The following AGBL1 variants were observed in gnomAD, a reference collection of about 807,000 sequenced individuals.
AGBL1 encodes cytosolic carboxypeptidase 4.
In AGBL1, 130 loss-of-function variants were observed where a neutral mutation model predicts 118.9. The ratio of observed to expected loss-of-function variants is 1.09; its 90% CI spans 0.95 to 1.26. AGBL1 has a LOEUF of 1.26. Among genes scored for constraint, AGBL1 ranks in the 50% most tolerant of loss-of-function variants. AGBL1 has a pLI of 0.00. For missense variants in AGBL1, 1,584 were observed against 1,298.1 expected, an observed-to-expected ratio of 1.22 and a Z score of -3.38; for synonymous variants, 555 against 478.9, an observed-to-expected ratio of 1.16 and a Z score of -2.08.
rs575221407 is a variant in AGBL1, at chr15:86,464,145, C to T, written c.2556-58665C>T. On this transcript the variant is annotated intron_variant, in intron 18 of 22. Transcript: ENST00000614907. Reference sequence around the variant, plus strand: ...GCAGTGATTGTAATTCCCAGAAAGACGGTCTTCGTGTCCCTTGTAAGTTGT... The same window carrying T: ...GCAGTGATTGTAATTCCCAGAAAGATGGTCTTCGTGTCCCTTGTAAGTTGT... Among the ~76,000 whole-genome samples, 227 of 151,896 alleles carry T rather than the reference C, an allele frequency of 1.5e-3. 1 individual carries two copies. The highest frequency in any genetic ancestry group is 5.0e-3 in the African/African-American group (208 of 41,500).
At chr15:86,241,320 A>C (rs900272192) in intron 6 of AGBL1, among the ~76,000 whole-genome samples, 1 of 152,130 alleles carries the variant, frequency 6.6e-6, no homozygotes, top group Non-Finnish European at 1.5e-5. Context: ...TATTGAGCAC[A>C]TACTTTATGT....
chr15:86,310,049 C>G (rs778790732), intron 17 of AGBL1, among the ~76,000 whole-genome samples: 8 of 152,184 alleles, frequency 5.3e-5, no homozygotes, highest in Non-Finnish European at 7.3e-5. Context: ...GCGAAGCCAT[C>G]AGATCCTGAG....
chr15:86,824,776 G>T (rs977533159), intron 22 of AGBL1, among the ~76,000 whole-genome samples: 29 of 152,062 alleles, frequency 1.9e-4, no homozygotes, highest in African/African-American at 6.5e-4. Flanking sequence ...TTCAGAACTA[G>T]GTCTGGTATG....
intron 21 of AGBL1, among the ~76,000 whole-genome samples, chr15:86,650,845 GC>G (rs746262059): frequency 1.3e-5 from 2 of 152,182 alleles, no homozygotes; most frequent in Non-Finnish European, 2.9e-5. Flanking sequence ...GTATCCTGCA[GC>G]TAGTCTTGCC....
intron 1 of AGBL1, among the ~76,000 whole-genome samples, chr15:86,087,768 G>A (rs1807286044): frequency 6.6e-6 from 1 of 152,148 alleles, no homozygotes. Context: ...TTGAGCAGAG[G>A]GAATCTCATA....
Position 86,973,405 on chromosome 15 carries a change from T to A in AGBL1, c.3222-14582T>A, listed in dbSNP as rs892550961. Among the ~76,000 whole-genome samples the A allele has an allele frequency of 2.6e-5, 4 of 151,976 alleles. No individual in the cohort carries two copies. In the East Asian group the frequency reaches 5.8e-4, roughly 22 times the overall value. On this transcript the variant is annotated intron_variant, in intron 23 of 24. Transcript: ENST00000441037. ...TATGTAGAATTACTTAAAAGGACAT[T>A]TTAACTATAGTAGCAATTTCAATTG...
chr15:86,991,919 T>C (rs2081339516), intron 24 of AGBL1, among the ~76,000 whole-genome samples: 1 of 152,218 alleles, frequency 6.6e-6, no homozygotes, highest in Non-Finnish European at 1.5e-5. Context: ...TCTTTCTCTG[T>C]ATCTTCCCTA....
rs568609161 is a variant in AGBL1, at chr15:86,202,165, C to T, written c.489-22749C>T. On this transcript the variant is annotated intron_variant, in intron 5 of 22. Transcript: ENST00000614907. ...AAAATTAGCAAGGCATGGTGGTGTGCGCCTGTAATCCCAGCTACTCTGGGG... is the reference window on the plus strand; with the variant it reads ...AAAATTAGCAAGGCATGGTGGTGTGTGCCTGTAATCCCAGCTACTCTGGGG... Among the ~76,000 whole-genome samples, 40 of 152,112 alleles carry T rather than the reference C, an allele frequency of 2.6e-4. No homozygotes were observed. The East Asian group carries it at 5.2e-3, about 20-fold the overall frequency.
chr15:86,424,074 G>C (rs891390727), intron 18 of AGBL1, among the ~76,000 whole-genome samples: 2 of 152,046 alleles, frequency 1.3e-5, no homozygotes, highest in African/African-American at 4.8e-5. Flanking sequence ...ATATAGCCAA[G>C]ACAATCATAA....
chr15:86,437,442 C>A (rs1015502235), intron 18 of AGBL1, among the ~76,000 whole-genome samples: 2 of 152,170 alleles, frequency 1.3e-5, no homozygotes, highest in African/African-American at 2.4e-5. Context: ...TGAGCACCAT[C>A]ATTTTAAAAA....
intron 19 of AGBL1, among the ~76,000 whole-genome samples, chr15:86,534,077 C>G (rs1034377343): frequency 2.0e-5 from 2 of 99,282 alleles, no homozygotes; most frequent in Non-Finnish European, 3.7e-5. Flanking sequence ...CTAACCTGCA[C>G]AATGTGCACA....
At chr15:86,405,051 T>C (rs1417692871) in intron 18 of AGBL1, among the ~76,000 whole-genome samples, 2 of 152,130 alleles carry the variant, frequency 1.3e-5, no homozygotes, top group African/African-American at 4.8e-5. Context: ...GCCTCTGCCA[T>C]ATGGGGGAGG....
rs1448752687 is a variant in AGBL1 at position 86,295,299 on chromosome 15, C to G, written c.2265C>G (p.Val755=). Residue 755 remains valine (V), a synonymous_variant, in exon 17 of 23, where the codon GTC becomes GTG. Transcript: ENST00000614907. ...ILEKSVNLKE[V]YFRQDVLCQT... The stretch of plus-strand genomic sequence containing the variant: ...AAAAGAGTGTCAACCTCAAAGAGGT[C>G]TACTTCCGGCAAGATGTTCTCTGCC... The G allele has an allele frequency of 1.9e-6, 3 of 1,613,652 alleles. No homozygotes were observed. The highest frequency in any genetic ancestry group is 1.7e-4 in the Middle Eastern group (1 of 6,056).
At chr15:86,962,693 A>G (rs2081004945) in intron 23 of AGBL1, among the ~76,000 whole-genome samples, 1 of 152,000 alleles carries the variant, frequency 6.6e-6, no homozygotes, top group Non-Finnish European at 1.5e-5. Flanking sequence ...CATTTATAAA[A>G]CATATTTCGA....
chr15:86,217,794 T>G (rs886330982), intron 5 of AGBL1, among the ~76,000 whole-genome samples: 13 of 152,212 alleles, frequency 8.5e-5, no homozygotes, highest in Middle Eastern at 6.8e-3. Flanking sequence ...CTGGAGAGGG[T>G]GGCATCTGCC....
chr15:86,735,458 C>G (rs2077578807), intron 22 of AGBL1, among the ~76,000 whole-genome samples: 1 of 151,978 alleles, frequency 6.6e-6, no homozygotes, highest in African/African-American at 2.4e-5. Flanking sequence ...GGGCAGATTT[C>G]AAAGGAAAAT....
At chr15:86,972,151 A>G (rs1392404537) in intron 23 of AGBL1, among the ~76,000 whole-genome samples, 1 of 152,070 alleles carries the variant, frequency 6.6e-6, no homozygotes, top group African/African-American at 2.4e-5. Context: ...TACCCTGGAT[A>G]AGACCTCAGA....
At chr15:86,293,965 G>A (rs2079590418) in intron 16 of AGBL1, among the ~76,000 whole-genome samples, 1 of 152,116 alleles carries the variant, frequency 6.6e-6, no homozygotes, top group African/African-American at 2.4e-5. Flanking sequence ...TTGTGCTACA[G>A]AGGGGGCAGT....
At chr15:86,213,504 ACT>A (rs1283544668) in intron 5 of AGBL1, among the ~76,000 whole-genome samples, 6 of 151,032 alleles carry the variant, frequency 4.0e-5, no homozygotes, top group Non-Finnish European at 5.9e-5. Flanking sequence ...GGAGCTTAAA[ACT>A]CTGTGTTTTA....
Sources: allele counts gnomAD v4.1 joint callset (sites outside exome capture counted in the v4.1 genomes callset), GRCh38; gene constraint gnomAD v4.1.1; transcripts MANE v1.5; gene names NCBI Gene and HGNC (gene_info 2026-07-23, HGNC 2026-07-21).